FAM219A: variants seen among roughly 807,000 people sequenced by gnomAD.
The protein encoded by FAM219A is family with sequence similarity 219 member A, also known as protein FAM219A.
Under a neutral mutation model 23.4 loss-of-function variants are expected in FAM219A, and 7 were observed. The observed-to-expected ratio is 0.30, with a 90% CI of 0.17 to 0.56. The LOEUF is 0.56. Among genes scored for constraint, FAM219A ranks in the 20% least tolerant of loss-of-function variants. FAM219A has a pLI of 0.92. For synonymous variants in FAM219A, 93 were observed against 99.0 expected (o/e 0.94, Z 0.36); for missense variants, 166 against 246.9 (o/e 0.67, Z 2.20).
At chr9:34,401,270 G>GC in intron 5 of FAM219A, 148 bp from the exon 6 acceptor site, 1 of 994,344 alleles carries the variant, frequency 1.0e-6, no homozygotes, top group Non-Finnish European at 1.5e-6. Context: ...GTACCCCCAG[G>GC]CCCCGCTCCT....
chr9:34,404,071 A>G (rs993233652), intron 2 of FAM219A, among the ~76,000 whole-genome samples: 2 of 152,190 alleles, frequency 1.3e-5, no homozygotes, highest in Admixed American at 6.5e-5. Flanking sequence ...TGGTAATGTA[A>G]TGGGGAGAAA....
chr9:34,450,858 G>A (rs1324198892), intron 1 of FAM219A, among the ~76,000 whole-genome samples: 2 of 152,168 alleles, frequency 1.3e-5, no homozygotes, highest in African/African-American at 2.4e-5. Context: ...TTCTGCCTGG[G>A]TGTGGCCTCT....
At position 34,400,838 on chromosome 9, in the gene FAM219A, T is replaced by C. The variant is rs1388994440; in HGVS notation, c.*126A>G. The C allele has an allele frequency of 3.1e-6, 3 of 961,826 alleles. No homozygotes were observed. The highest frequency in any genetic ancestry group is 1.5e-6 in the Non-Finnish European group (1 of 681,622). The allele number at this position is 961,826 out of a possible 1,614,324, so 59.6% of individuals were successfully genotyped here. On this transcript the variant is annotated 3_prime_UTR_variant, in exon 6 of 6. Coordinates refer to ENST00000651358, the MANE Select transcript of FAM219A (RefSeq NM_001184940.2). ...CCATAGGAGGAAGCAATGACTGTTA[T>C]ACGAGGTTGGCGGCTGTAGGGGCGC... is the stretch of plus-strand genomic sequence containing the variant.
At position 34,449,402 on chromosome 9, in the gene FAM219A, GAGGGACATA is replaced by G. The variant is rs1158453060; in HGVS notation, c.60+8793_60+8801del. 3.3e-5 allele frequency among the ~76,000 whole-genome samples: 5 copies of G among 152,336 alleles called. No homozygotes were observed. The East Asian group carries it at 9.6e-4, about 29-fold the overall frequency. On this transcript the variant is annotated intron_variant, in intron 1 of 5. Coordinates refer to ENST00000651358, the MANE Select transcript of FAM219A (RefSeq NM_001184940.2). The stretch of plus-strand genomic sequence containing the variant: ...ATAAGGATCAAACCAGCATTTGGTA[GAGGGACATA>G]AGGGAAATAAAACTCCCTTAGAAAT...
chr9:34,457,248 C>T lies in FAM219A; in HGVS notation c.60+956G>A, dbSNP rs1823771577. ...CTCACTATACGAGCTGGCTAGGCCTCCACGTCTCCCACCCGGTTGCCTGAC... is the reference window on the plus strand; with the variant it reads ...CTCACTATACGAGCTGGCTAGGCCTTCACGTCTCCCACCCGGTTGCCTGAC... On this transcript the variant is annotated intron_variant, in intron 1 of 5. Coordinates refer to ENST00000651358, the MANE Select transcript of FAM219A (RefSeq NM_001184940.2). The surrounding 1 kb of genome is among the most constrained non-coding windows in gnomAD (Gnocchi z 5.1). Among the ~76,000 whole-genome samples the T allele has an allele frequency of 6.6e-6, 1 of 152,206 alleles. No homozygotes were observed. The highest frequency in any genetic ancestry group is 1.5e-5 in the Non-Finnish European group (1 of 68,038).
At chr9:34,438,002 C>T (rs911560193) in intron 1 of FAM219A, among the ~76,000 whole-genome samples, 3 of 152,218 alleles carry the variant, frequency 2.0e-5, no homozygotes, top group Non-Finnish European at 4.4e-5. Context: ...GTGGGCTTGG[C>T]GGGCCCCGCA....
Position 34,398,973 on chromosome 9 carries a change from G to A in FAM219A, c.*1991C>T, listed in dbSNP as rs570091010. 2.6e-5 allele frequency: 4 copies of A among 153,902 alleles called. No individual in the cohort carries two copies. Among genetic ancestry groups the A allele is most frequent in the African/African-American group, 9.6e-5 (4 of 41,520 alleles). The allele number at this position is 153,902 out of a possible 1,614,324, so 9.5% of individuals were successfully genotyped here. A position where few individuals can be genotyped will look rare whatever the true frequency, so the allele number is the denominator to read the frequency against. On this transcript the variant is annotated 3_prime_UTR_variant, in exon 6 of 6. Transcript: ENST00000651358. ...GGAATGGGTTGGCGGAGTGGGGGGT[G>A]GTGAGCTGTACCCCAATATTTTGGA...
In FAM219A at chr9:34,400,936, G is replaced by T. The variant is rs1356110556; in HGVS notation, c.*28C>A. The T allele has an allele frequency of 1.3e-5, 20 of 1,507,334 alleles. No homozygotes were observed. The highest frequency in any genetic ancestry group is 1.8e-5 in the Non-Finnish European group (20 of 1,124,730). The allele number at this position is 1,507,334 out of a possible 1,614,324, so 93.4% of individuals were successfully genotyped here. On this transcript the variant is annotated 3_prime_UTR_variant, in exon 6 of 6. Transcript: ENST00000651358. Reference sequence around the variant, plus strand: ...GTCCTACCCGGCCCTTGGCGGCCCCGCCCCGGCGACCGCAGTGGCCCCGCC... The same window carrying T: ...GTCCTACCCGGCCCTTGGCGGCCCCTCCCCGGCGACCGCAGTGGCCCCGCC...
At position 34,405,934 on chromosome 9, in the gene FAM219A, C is replaced by G. The variant is rs1821619301; in HGVS notation, c.91G>C (p.Asp31His). The stretch of plus-strand genomic sequence containing the variant: ...GACTCACCCTCCCGGGCGTCACAGT[C>G]TCCGTCAGAGATGGAGGCGGCGGCT... ...DPAAASISDG[D>H]CDAREGESVA... is the part of the protein sequence containing the mutation. The change falls in exon 2 of 6, where the codon GAC (aspartate) becomes CAC (histidine). Residue 31 changes from aspartate to histidine, a missense_variant. By Grantham distance (81) the Asp-to-His change is moderately conservative (BLOSUM62 -1). This residue lies in a region of FAM219A where 89 missense variants were observed against 98.8 expected (regional missense o/e 0.90). Transcript: ENST00000651358. 6 of 1,613,216 alleles carry G rather than the reference C, an allele frequency of 3.7e-6. No individual in the cohort carries two copies. The highest frequency in any genetic ancestry group is 1.1e-5 in the South Asian group (1 of 90,986).
Position 34,432,555 on chromosome 9 carries a change from G to A in FAM219A, c.60+25649C>T, listed in dbSNP as rs143920249. ...CTCCTCTTATACTGTAGACATAAGCGCCTTTCCCAGTGGTCAGTGATTCTC... is the reference window on the plus strand; with the variant it reads ...CTCCTCTTATACTGTAGACATAAGCACCTTTCCCAGTGGTCAGTGATTCTC... On this transcript the variant is annotated intron_variant, in intron 1 of 5. Coordinates refer to ENST00000651358, the MANE Select transcript of FAM219A (RefSeq NM_001184940.2). 2.1e-3 allele frequency among the ~76,000 whole-genome samples: 323 copies of A among 152,142 alleles called. 1 individual carries two copies. The highest frequency in any genetic ancestry group is 7.3e-3 in the African/African-American group (304 of 41,480).
At position 34,400,750 on chromosome 9, in the gene FAM219A, G is replaced by T; in HGVS notation, c.*214C>A. 2.2e-6 allele frequency: 1 copy of T among 456,042 alleles called. No homozygotes were observed. The highest frequency in any genetic ancestry group is 3.7e-6 in the Non-Finnish European group (1 of 267,164). The allele number at this position is 456,042 out of a possible 1,614,324, so 28.2% of individuals were successfully genotyped here. A position where few individuals can be genotyped will look rare whatever the true frequency, so the allele number is the denominator to read the frequency against. Reference sequence around the variant, plus strand: ...CGGCCCCCACCCCTCCTCAGCTCCCGGGTGGAGAGAGACCCAGTTTTGGTT... The same window carrying T: ...CGGCCCCCACCCCTCCTCAGCTCCCTGGTGGAGAGAGACCCAGTTTTGGTT... On this transcript the variant is annotated 3_prime_UTR_variant, in exon 6 of 6. Transcript: ENST00000651358.
At chr9:34,440,153 C>T (rs994385678) in intron 1 of FAM219A, among the ~76,000 whole-genome samples, 19 of 152,204 alleles carry the variant, frequency 1.2e-4, no homozygotes, top group African/African-American at 4.6e-4. Context: ...TCAGCTGTCA[C>T]TGCAGACCCC....
At chr9:34,421,880 A>T (rs1156275868) in intron 1 of FAM219A, among the ~76,000 whole-genome samples, 1 of 152,218 alleles carries the variant, frequency 6.6e-6, no homozygotes, top group African/African-American at 2.4e-5. Context: ...TAGGTCTGGA[A>T]CCTGAATTGT....
intron 1 of FAM219A, among the ~76,000 whole-genome samples, chr9:34,441,273 G>A (rs1823163988): frequency 6.6e-6 from 1 of 152,218 alleles, no homozygotes; most frequent in Non-Finnish European, 1.5e-5. Context: ...CCCAGCCCTT[G>A]CTGAACTCTC....
intron 2 of FAM219A, among the ~76,000 whole-genome samples, chr9:34,404,470 G>A (rs760513366): frequency 1.3e-5 from 2 of 152,234 alleles, no homozygotes; most frequent in African/African-American, 4.8e-5. Context: ...CACTCTGGGA[G>A]GCCGAGGTGG....
At chr9:34,438,268 G>A (rs1243799369) in intron 1 of FAM219A, among the ~76,000 whole-genome samples, 3 of 152,234 alleles carry the variant, frequency 2.0e-5, no homozygotes, top group Non-Finnish European at 2.9e-5. Context: ...CCTCCCCAAT[G>A]AGCGCCACCC....
At chr9:34,438,374 G>A (rs112860081) in intron 1 of FAM219A, among the ~76,000 whole-genome samples, 187 of 152,356 alleles carry the variant, frequency 1.2e-3, no homozygotes, top group Non-Finnish European at 2.2e-3. Context: ...CTGCAGCACC[G>A]GTGCGGGATC....
In FAM219A at chr9:34,405,886, A is replaced by G. The variant is rs1456685429; in HGVS notation, c.139T>C (p.Ser47Pro). ...TCACCCAGCTTCACTTGGAGCGGGG[A>G]TGGTTTGTAATTCATGGCTACTGAC... ...GESVAMNYKPSPLQVKLEKQR... is the reference protein window; with the variant it reads ...GESVAMNYKPPPLQVKLEKQR... The change falls in exon 2 of 6, where the codon TCC (serine) becomes CCC (proline). Residue 47 changes from serine (S) to proline (P), a missense_variant. Transcript: ENST00000651358. 3 of 1,613,712 alleles carry G rather than the reference A, an allele frequency of 1.9e-6. No homozygotes were observed. The East Asian group carries it at 6.7e-5, about 36-fold the overall frequency.
chr9:34,434,405 A>C (rs1822829273), intron 1 of FAM219A, among the ~76,000 whole-genome samples: 1 of 152,166 alleles, frequency 6.6e-6, no homozygotes, highest in Non-Finnish European at 1.5e-5. Context: ...TTAAAATTTC[A>C]AGGCTTTTTC....
Sources: allele counts gnomAD v4.1 joint callset (sites outside exome capture counted in the v4.1 genomes callset), GRCh38; gene constraint gnomAD v4.1.1; regional missense constraint gnomAD v4.1.1; non-coding constraint Gnocchi (gnomAD v3.1); transcripts MANE v1.5; gene names NCBI Gene and HGNC (gene_info 2026-07-23, HGNC 2026-07-21).